SCGB2B2: variants seen among roughly 807,000 people sequenced by gnomAD.
SCGB2B2 encodes secretoglobin family 2B member 2, also known as secretoglobin-like protein.
A neutral mutation model predicts 7.6 loss-of-function variants in SCGB2B2; 11 were observed. That is an observed-to-expected ratio of 1.45 (90% CI 0.91 to 2.40). The LOEUF is 2.40. Among genes scored for constraint, SCGB2B2 ranks in the 30% most tolerant of loss-of-function variants. The pLI is 0.00. For missense variants in SCGB2B2, 104 were observed against 115.4 expected (o/e 0.90, Z 0.45); for synonymous variants, 50 against 48.6 (o/e 1.03, Z -0.12).
chr19:34,587,866 C>T (rs2065216664), downstream of SCGB2B2, among the ~76,000 whole-genome samples: 1 of 151,726 alleles, frequency 6.6e-6, no homozygotes, highest in African/African-American at 2.4e-5. Context: ...TCCTTGCATC[C>T]CTGGGTTGAA....
At chr19:34,606,427 AAT>A (rs974545679) in intron 1 of SCGB2B2, among the ~76,000 whole-genome samples, 28 of 152,242 alleles carry the variant, frequency 1.8e-4, no homozygotes, top group African/African-American at 6.7e-4. Context: ...AGTGCCTACT[AAT>A]GATTAAGGGT....
chr19:34,586,545 A>C (rs933769681), downstream of SCGB2B2, among the ~76,000 whole-genome samples: 1 of 152,196 alleles, frequency 6.6e-6, no homozygotes, highest in Non-Finnish European at 1.5e-5. Context: ...ATTTCTTCAG[A>C]GAGTGTTGTC....
At chr19:34,607,826 A>G (rs1400395885) in intron 1 of SCGB2B2, among the ~76,000 whole-genome samples, 1 of 152,254 alleles carries the variant, frequency 6.6e-6, no homozygotes, top group Non-Finnish European at 1.5e-5. Flanking sequence ...AATTAATTAC[A>G]TATTTTGGAT....
At position 34,612,178 on chromosome 19, in the gene SCGB2B2, A is replaced by G. The variant is rs940117201; in HGVS notation, c.-2031-15584T>C. Among the ~76,000 whole-genome samples, 26 of 151,374 alleles carry G rather than the reference A, an allele frequency of 1.7e-4. 1 individual carries two copies. The highest frequency in any genetic ancestry group is 2.1e-4 in the South Asian group (1 of 4,776). On this transcript the variant is annotated intron_variant, in intron 1 of 3. Transcript: ENST00000601241. Reference sequence around the variant, plus strand: ...CTCAGCCTCCCAAGTAGCTGGGCCTACAGGCATGCACCACCACACCTGGCT... The same window carrying G: ...CTCAGCCTCCCAAGTAGCTGGGCCTGCAGGCATGCACCACCACACCTGGCT...
chr19:34,666,894 A>G (rs543812766), intron 1 of SCGB2B2, among the ~76,000 whole-genome samples: 7 of 152,026 alleles, frequency 4.6e-5, no homozygotes, highest in African/African-American at 1.7e-4. Context: ...CCAAGAAACT[A>G]TGCCCGCAGC....
Position 34,594,325 on chromosome 19 carries a change from C to G in SCGB2B2, c.96G>C (p.Ala32=). 1 of 1,614,132 alleles carries G rather than the reference C, an allele frequency of 6.2e-7. No homozygotes were observed. Among genetic ancestry groups the G allele is most frequent in the Non-Finnish European group, 8.5e-7 (1 of 1,180,014 alleles). Residue 32 remains alanine, a synonymous_variant, in exon 3 of 4, where the codon GCG becomes GCC. Coordinates refer to ENST00000601241, the MANE Select transcript of SCGB2B2 (RefSeq NM_001025591.4). ...DACLDIDKLL[A]NVVFDVSQDL... Reference sequence around the variant, plus strand: ...CTTGGGACACATCAAACACAACATTCGCAAGCAGTTTATCGATATCCAGGC... The same window carrying G: ...CTTGGGACACATCAAACACAACATTGGCAAGCAGTTTATCGATATCCAGGC...
intron 1 of SCGB2B2, among the ~76,000 whole-genome samples, chr19:34,599,144 T>C (rs2065544312): frequency 6.6e-6 from 1 of 152,244 alleles, no homozygotes; most frequent in South Asian, 2.1e-4. Flanking sequence ...CTTAGAGTTC[T>C]GGGACAGGTT....
At chr19:34,585,927 T>C (rs985825557), downstream of SCGB2B2, among the ~76,000 whole-genome samples, 1 of 152,254 alleles carries the variant, frequency 6.6e-6, no homozygotes, top group Non-Finnish European at 1.5e-5. Flanking sequence ...AATTATTTCA[T>C]ATGTTTATTA....
rs1298099040 is a variant in SCGB2B2, at chr19:34,595,265, G to C, written c.-702C>G. 1 of 152,552 alleles carries C rather than the reference G, an allele frequency of 6.6e-6. No homozygotes were observed. The highest frequency in any genetic ancestry group is 2.4e-5 in the African/African-American group (1 of 41,458). 9.4% of individuals were successfully genotyped at this position (152,552 alleles called of 1,614,324 possible). On this transcript the variant is annotated 5_prime_UTR_variant, in exon 2 of 4. Coordinates refer to ENST00000601241, the MANE Select transcript of SCGB2B2 (RefSeq NM_001025591.4). The stretch of plus-strand genomic sequence containing the variant: ...GTTAAGAGTGAAAGGTGGGGAGCCA[G>C]GGGGCCAGTGCAAAATGTGGAGGCT...
chr19:34,610,768 G>GTTTTTTTTT (rs548680772), intron 1 of SCGB2B2, among the ~76,000 whole-genome samples: 1 of 139,688 alleles, frequency 7.2e-6, no homozygotes, highest in Non-Finnish European at 1.5e-5. Flanking sequence ...TTGGCCTATA[G>GTTTTTTTTT]TTTTTTTTTT....
intron 1 of SCGB2B2, among the ~76,000 whole-genome samples, chr19:34,650,553 C>T (rs940121696): frequency 2.0e-5 from 3 of 150,946 alleles, no homozygotes; most frequent in South Asian, 2.1e-4. Context: ...GGGATTGAGC[C>T]GAAAAGAAAT....
chr19:34,666,426 A>G (rs1203493105), intron 1 of SCGB2B2, among the ~76,000 whole-genome samples: 1 of 152,168 alleles, frequency 6.6e-6, no homozygotes, highest in Non-Finnish European at 1.5e-5. Flanking sequence ...CGCCCCACAT[A>G]CAATGTGACA....
downstream of SCGB2B2, among the ~76,000 whole-genome samples, chr19:34,588,477 G>T (rs2065228379): frequency 6.6e-6 from 1 of 152,200 alleles, no homozygotes; most frequent in Admixed American, 6.5e-5. Flanking sequence ...TGGCCGAGTG[G>T]CACCAGGAAA....
chr19:34,603,588 G>A (rs1375919193), intron 1 of SCGB2B2, among the ~76,000 whole-genome samples: 5 of 152,118 alleles, frequency 3.3e-5, no homozygotes, highest in Admixed American at 6.5e-5. Flanking sequence ...CAGTGCTGGA[G>A]GAAAATGAGA....
At chr19:34,667,400 G>A (rs2067662318) in intron 1 of SCGB2B2, among the ~76,000 whole-genome samples, 1 of 152,038 alleles carries the variant, frequency 6.6e-6, no homozygotes, top group Non-Finnish European at 1.5e-5. Context: ...CTCTGCCCAG[G>A]CAGCCTGTCC....
Position 34,659,411 on chromosome 19 carries a change from CCTT to C in SCGB2B2, c.-2032+16216_-2032+16218del, listed in dbSNP as rs1171459315. 2.0e-5 allele frequency among the ~76,000 whole-genome samples: 3 copies of C among 152,152 alleles called. No individual in the cohort carries two copies. The East Asian group carries it at 5.8e-4, about 29-fold the overall frequency. On this transcript the variant is annotated intron_variant, in intron 1 of 3. Coordinates refer to ENST00000601241, the MANE Select transcript of SCGB2B2 (RefSeq NM_001025591.4). The stretch of plus-strand genomic sequence containing the variant: ...AACCTCATCGTTTCAGCCAAAATCT[CCTT>C]AAGCTGATAAGCAACTTCAGCAAAG...
intron 1 of SCGB2B2, among the ~76,000 whole-genome samples, chr19:34,631,529 C>T (rs1240474469): frequency 1.3e-5 from 2 of 151,966 alleles, no homozygotes; most frequent in African/African-American, 4.8e-5. Flanking sequence ...GTACTTTTTA[C>T]AAGAGCATAC....
intron 1 of SCGB2B2, among the ~76,000 whole-genome samples, chr19:34,643,118 T>A (rs1173165766): frequency 6.6e-6 from 1 of 152,224 alleles, no homozygotes; most frequent in Non-Finnish European, 1.5e-5. Flanking sequence ...TGTATGTTTA[T>A]CACAGCACTG....
At chr19:34,617,735 G>C (rs1219086142) in intron 1 of SCGB2B2, among the ~76,000 whole-genome samples, 1 of 152,164 alleles carries the variant, frequency 6.6e-6, no homozygotes, top group Non-Finnish European at 1.5e-5. Flanking sequence ...GAATAGGAGT[G>C]GTGAGAGAGG....
Sources: allele counts gnomAD v4.1 joint callset (sites outside exome capture counted in the v4.1 genomes callset), GRCh38; gene constraint gnomAD v4.1.1; transcripts MANE v1.5; gene names NCBI Gene and HGNC (gene_info 2026-07-23, HGNC 2026-07-21).